AUTS2: variants seen among roughly 807,000 people sequenced by gnomAD.
AUTS2 encodes the protein autism susceptibility gene 2 protein.
In AUTS2, 17 loss-of-function variants were observed where a neutral mutation model predicts 112.4. That is an observed-to-expected ratio of 0.15 (90% CI 0.10 to 0.23). The LOEUF is 0.23. Ranked by LOEUF, AUTS2 falls within the 10% of genes least tolerant of loss-of-function variation. The pLI is 1.00. For synonymous variants in AUTS2, 751 were observed against 702.7 expected (o/e 1.07, Z -1.09); for missense variants, 1,510 against 1,701.6 (o/e 0.89, Z 1.98).
chr7:70,320,268 A>G (rs1276632721), intron 4 of AUTS2, among the ~76,000 whole-genome samples: 1 of 152,188 alleles, frequency 6.6e-6, no homozygotes, highest in Non-Finnish European at 1.5e-5. Context: ...TCTTCATGCC[A>G]CCCCAGTATC....
chr7:69,893,971 G>A (rs1309537532), intron 1 of AUTS2, among the ~76,000 whole-genome samples: 2 of 152,108 alleles, frequency 1.3e-5, no homozygotes, highest in East Asian at 1.9e-4. Context: ...TGAAGAAGGC[G>A]GGGTGTTGAA....
chr7:70,149,756 C>A (rs1007950342), intron 4 of AUTS2, among the ~76,000 whole-genome samples: 2 of 152,096 alleles, frequency 1.3e-5, no homozygotes, highest in Non-Finnish European at 2.9e-5. Flanking sequence ...CAATGAATAT[C>A]TGTTAATTAA....
At chr7:70,078,997 C>T (rs1803173069) in intron 2 of AUTS2, among the ~76,000 whole-genome samples, 1 of 152,136 alleles carries the variant, frequency 6.6e-6, no homozygotes, top group Non-Finnish European at 1.5e-5. Context: ...CTTCTTTTCT[C>T]GATTGGTAGA....
At position 70,789,721 on chromosome 7, in the gene AUTS2, G is replaced by A. The variant is rs183435781; in HGVS notation, c.2532-27G>A. The A allele has an allele frequency of 7.4e-4, 1,181 of 1,597,314 alleles. No homozygotes were observed. Among genetic ancestry groups the A allele is most frequent in the Non-Finnish European group, 8.9e-4 (1,044 of 1,170,556 alleles). ...GACTCGCCCCTTTCATTTCATCTGCGTCCTTGTCTTCCCCTCTCTCCCCCA... is the reference window on the plus strand; with the variant it reads ...GACTCGCCCCTTTCATTTCATCTGCATCCTTGTCTTCCCCTCTCTCCCCCA... On this transcript the variant is annotated intron_variant, in intron 18 of 18. Coordinates refer to ENST00000342771, the MANE Select transcript of AUTS2 (RefSeq NM_015570.4).
intron 1 of AUTS2, among the ~76,000 whole-genome samples, chr7:69,622,866 C>G (rs1399676008): frequency 1.3e-5 from 2 of 152,056 alleles, no homozygotes; most frequent in Non-Finnish European, 2.9e-5. Context: ...ACACTTTTTC[C>G]CTAAAGGAAT....
At chr7:70,496,181 A>G in intron 5 of AUTS2, among the ~76,000 whole-genome samples, 2 of 122,100 alleles carry the variant, frequency 1.6e-5, no homozygotes, top group Non-Finnish European at 3.4e-5. Flanking sequence ...ACACACACAC[A>G]CACCCCACAC....
At chr7:70,734,813 A>C (rs1255223854) in intron 6 of AUTS2, among the ~76,000 whole-genome samples, 2 of 152,162 alleles carry the variant, frequency 1.3e-5, no homozygotes, top group East Asian at 3.9e-4. Context: ...CTTTTTTAAA[A>C]ATGGAAGCAA....
intron 4 of AUTS2, among the ~76,000 whole-genome samples, chr7:70,213,173 T>A (rs540826277): frequency 1.3e-5 from 2 of 151,992 alleles, no homozygotes; most frequent in South Asian, 2.1e-4. Flanking sequence ...CGAATTTTTT[T>A]AAAAAAAGAA....
intron 4 of AUTS2, among the ~76,000 whole-genome samples, chr7:70,280,504 G>A (rs183029328): frequency 2.0e-5 from 3 of 148,998 alleles, no homozygotes; most frequent in Admixed American, 6.7e-5. Flanking sequence ...CACCATGTTG[G>A]TCAGGCTAGT....
At chr7:70,537,314 C>T (rs568127692) in intron 5 of AUTS2, among the ~76,000 whole-genome samples, 1 of 152,218 alleles carries the variant, frequency 6.6e-6, no homozygotes, top group Non-Finnish European at 1.5e-5. Flanking sequence ...CCCAGTACTA[C>T]AACATTGGAT....
At chr7:69,609,575 A>G (rs746825452) in intron 1 of AUTS2, among the ~76,000 whole-genome samples, 1 of 152,236 alleles carries the variant, frequency 6.6e-6, no homozygotes, top group Non-Finnish European at 1.5e-5. Context: ...TGGCCCATGT[A>G]AAATTTTTAA....
At chr7:70,720,776 A>G (rs1042942708) in intron 6 of AUTS2, among the ~76,000 whole-genome samples, 3 of 152,146 alleles carry the variant, frequency 2.0e-5, no homozygotes, top group Non-Finnish European at 4.4e-5. Flanking sequence ...AACACAGCAC[A>G]TTGTTCTGCT....
At chr7:70,491,927 A>G (rs541758570) in intron 5 of AUTS2, among the ~76,000 whole-genome samples, 2 of 152,218 alleles carry the variant, frequency 1.3e-5, no homozygotes, top group African/African-American at 4.8e-5. Context: ...ATGAGTTAGT[A>G]TATTTTAAAA....
chr7:70,303,435 CACAT>C (rs1190376835), intron 4 of AUTS2, among the ~76,000 whole-genome samples: 58 of 75,992 alleles, frequency 7.6e-4, no homozygotes, highest in East Asian at 2.8e-3. Flanking sequence ...CGCGCGCGCG[CACAT>C]ACACACACAC....
chr7:70,166,139 G>A (rs938103289), intron 4 of AUTS2, among the ~76,000 whole-genome samples: 9 of 152,214 alleles, frequency 5.9e-5, no homozygotes, highest in South Asian at 2.1e-4. Flanking sequence ...ACCATGAGTC[G>A]ATTAAACCTC....
chr7:70,785,167 A>C, intron 16 of AUTS2, 148 bp downstream of exon 16: 1 of 752,214 alleles, frequency 1.3e-6, no homozygotes, highest in Middle Eastern at 3.7e-4. Context: ...CTCTCTTAGG[A>C]GTTTCAGTAC....
intron 2 of AUTS2, among the ~76,000 whole-genome samples, chr7:70,104,255 CT>C (rs1192790268): frequency 8.7e-5 from 11 of 126,634 alleles, no homozygotes; most frequent in East Asian, 2.3e-4. Context: ...GTTGTTTTTT[CT>C]TTTTTTTTTG....
chr7:69,954,988 A>G (rs951284231), intron 2 of AUTS2, among the ~76,000 whole-genome samples: 1 of 152,226 alleles, frequency 6.6e-6, no homozygotes, highest in African/African-American at 2.4e-5. Flanking sequence ...ACATAAATCA[A>G]CTTGCATTTG....
intron 5 of AUTS2, among the ~76,000 whole-genome samples, chr7:70,616,685 T>C (rs984795713): frequency 4.6e-5 from 7 of 151,894 alleles, no homozygotes; most frequent in African/African-American, 1.5e-4. Flanking sequence ...AAAATCAACG[T>C]ATCTTTAAAG....
Sources: allele counts gnomAD v4.1 joint callset (sites outside exome capture counted in the v4.1 genomes callset), GRCh38; gene constraint gnomAD v4.1.1; transcripts MANE v1.5; gene names NCBI Gene and HGNC (gene_info 2026-07-23, HGNC 2026-07-21).